Variants in ATP9B observed in about 807,000 individuals in gnomAD.
ATP9B encodes ATPase phospholipid transporting 9B, also known as probable phospholipid-transporting ATPase IIB.
Under a neutral mutation model 146.1 loss-of-function variants are expected in ATP9B, and 110 were observed. The ratio of observed to expected loss-of-function variants is 0.75; its 90% CI spans 0.65 to 0.88. ATP9B has a LOEUF of 0.88. ATP9B is among the 40% of genes least tolerant of loss of function. ATP9B has a pLI of 0.00. For missense variants in ATP9B, 1,499 were observed against 1,496.4 expected (o/e 1.00, Z -0.03); for synonymous variants, 604 against 569.7 (o/e 1.06, Z -0.86).
chr18:79,265,665 GT>G lies in ATP9B; in HGVS notation c.1269-11379del, dbSNP rs369028943. Among the ~76,000 whole-genome samples the G allele has an allele frequency of 9.2e-3, 1,370 of 149,206 alleles. 8 individuals are homozygous for G. The highest frequency in any genetic ancestry group is 0.023 in the African/African-American group (958 of 40,846). On this transcript the variant is annotated intron_variant, in intron 12 of 29. Transcript: ENST00000426216. ...GGTTGTCTGTTCACTCTGCTGTTAA[GT>G]TTTTTTTTTGATGTGCAGAGATTCT...
At chr18:79,253,617 A>G (rs1371356408) in intron 12 of ATP9B, 76 bp downstream of exon 12, 4 of 1,407,512 alleles carry the variant, frequency 2.8e-6, no homozygotes, top group Non-Finnish European at 3.8e-6. Context: ...CTTTCTCAGT[A>G]TGAAAGAAAT....
chr18:79,329,075 G>C (rs757784060), intron 15 of ATP9B, 66 bp from the exon 16 acceptor site: 1 of 1,419,680 alleles, frequency 7.0e-7, no homozygotes, highest in East Asian at 2.7e-5. Flanking sequence ...GCACTGCCGT[G>C]CTGGCTCGCC....
At chr18:79,261,045 C>G (rs111415278) in intron 12 of ATP9B, among the ~76,000 whole-genome samples, 2 of 152,270 alleles carry the variant, frequency 1.3e-5, no homozygotes, top group African/African-American at 4.8e-5. Context: ...TGGACCATGG[C>G]CAGTGTCTCA....
chr18:79,096,702 G>A (rs2074812239), intron 2 of ATP9B, 53 bp downstream of exon 2: 1 of 1,422,568 alleles, frequency 7.0e-7, no homozygotes, highest in African/African-American at 1.5e-5. Flanking sequence ...TACTTATAAG[G>A]TTAGCTTCTA....
chr18:79,097,116 C>T (rs1001080735), intron 2 of ATP9B, among the ~76,000 whole-genome samples: 1 of 150,948 alleles, frequency 6.6e-6, no homozygotes, highest in African/African-American at 2.4e-5. Context: ...CGAGATCGAG[C>T]CACTGCACTC....
At chr18:79,200,788 T>TGGAGGGG (rs1555749735) in intron 9 of ATP9B, among the ~76,000 whole-genome samples, 3 of 35,454 alleles carry the variant, frequency 8.5e-5, no homozygotes, top group South Asian at 7.5e-4. Context: ...GAAGTAGTGG[T>TGGAGGGG]GGAATTGTTT....
intron 7 of ATP9B, among the ~76,000 whole-genome samples, chr18:79,162,775 G>A (rs1386826398): frequency 3.3e-5 from 5 of 152,302 alleles, no homozygotes; most frequent in East Asian, 1.9e-4. Context: ...TTTGTTGGCC[G>A]TATACCCTAG....
At chr18:79,167,286 A>G (rs1481548188) in intron 7 of ATP9B, among the ~76,000 whole-genome samples, 1 of 152,182 alleles carries the variant, frequency 6.6e-6, no homozygotes. Context: ...AGAACAAGGT[A>G]TATGGACAAC....
At chr18:79,295,435 A>G (rs1299502158) in intron 13 of ATP9B, among the ~76,000 whole-genome samples, 1 of 152,198 alleles carries the variant, frequency 6.6e-6, no homozygotes, top group Non-Finnish European at 1.5e-5. Context: ...AATTTTTCTC[A>G]TTGCTTTTTG....
Position 79,342,263 on chromosome 18 carries a change from C to T in ATP9B, c.2284-5C>T, listed in dbSNP as rs763462112. On this transcript the variant is annotated splice_region_variant and splice_polypyrimidine_tract_variant and intron_variant, in intron 19 of 29. Coordinates refer to ENST00000426216, the MANE Select transcript of ATP9B (RefSeq NM_198531.5). ...TGAAATTCACCAGTTTAAATTGTTCCCTAGATATGGATGCTAACAGGCGAT... is the reference window on the plus strand; with the variant it reads ...TGAAATTCACCAGTTTAAATTGTTCTCTAGATATGGATGCTAACAGGCGAT... 21 of 1,606,960 alleles carry T rather than the reference C, an allele frequency of 1.3e-5. No homozygotes were observed. The highest frequency in any genetic ancestry group is 1.5e-5 in the Non-Finnish European group (18 of 1,174,186).
intron 12 of ATP9B, among the ~76,000 whole-genome samples, chr18:79,259,790 T>TCAGGATAA: frequency 6.6e-6 from 1 of 152,224 alleles, no homozygotes; most frequent in South Asian, 2.1e-4. Context: ...GGAAAACTTT[T>TCAGGATAA]AAGAGCTTTA....
intron 11 of ATP9B, among the ~76,000 whole-genome samples, chr18:79,225,568 C>A (rs1213077913): frequency 6.6e-6 from 1 of 152,196 alleles, no homozygotes; most frequent in Non-Finnish European, 1.5e-5. Flanking sequence ...CCACTGTCTT[C>A]AGCGTCTGAG....
At chr18:79,207,308 G>C (rs188823496) in intron 10 of ATP9B, among the ~76,000 whole-genome samples, 70 of 152,300 alleles carry the variant, frequency 4.6e-4, no homozygotes, top group South Asian at 2.1e-3. Context: ...TGACAAACTT[G>C]TCAGTGTTCC....
At position 79,096,590 on chromosome 18, in the gene ATP9B, G is replaced by A. The variant is rs1480515160; in HGVS notation, c.234G>A (p.Met78Ile). ...ACACCTTACCACGAGCCAGGATAAT[G>A]CAAAGGAAAAGAGGACTGGAGTGGT... is the stretch of plus-strand genomic sequence containing the variant. Reference protein sequence around the residue: ...DYHTLPRARIMQRKRGLEWFV... With the variant: ...DYHTLPRARIIQRKRGLEWFV... The change falls in exon 2 of 30, where the codon ATG becomes ATA. Residue 78 changes from methionine to isoleucine, a missense_variant. Coordinates refer to ENST00000426216, the MANE Select transcript of ATP9B (RefSeq NM_198531.5). 2 of 1,614,094 alleles carry A rather than the reference G, an allele frequency of 1.2e-6. No homozygotes were observed. The highest frequency in any genetic ancestry group is 1.1e-5 in the South Asian group (1 of 91,080).
intron 17 of ATP9B, 117 bp downstream of exon 17, chr18:79,330,221 G>A (rs2096782846): frequency 1.1e-6 from 1 of 936,896 alleles, no homozygotes; most frequent in Non-Finnish European, 1.7e-6. Flanking sequence ...GACAGGAAAA[G>A]GATATCCTTT....
At chr18:79,329,393 A>T in intron 16 of ATP9B, 91 bp downstream of exon 16, 3 of 1,361,148 alleles carry the variant, frequency 2.2e-6, no homozygotes, top group Non-Finnish European at 2.9e-6. Context: ...AAAGTTAAAC[A>T]TTTACTCAGG....
rs76796856 is a variant in ATP9B, at chr18:79,190,032, G to A, written c.874-3151G>A. On this transcript the variant is annotated intron_variant, in intron 8 of 29. Coordinates refer to ENST00000426216, the MANE Select transcript of ATP9B (RefSeq NM_198531.5). The stretch of plus-strand genomic sequence containing the variant: ...CCGCATTTCCAGCAGACCCTTGCAC[G>A]CACTCCCCGCAGCAGCAGCAGGAGG... Among the ~76,000 whole-genome samples, 12 of 152,222 alleles carry A rather than the reference G, an allele frequency of 7.9e-5. No individual in the cohort carries two copies. The East Asian group carries it at 1.9e-3, about 25-fold the overall frequency.
intron 11 of ATP9B, among the ~76,000 whole-genome samples, chr18:79,225,604 GGCGGCCAC>G (rs2095722056): frequency 5.9e-5 from 9 of 151,702 alleles, no homozygotes; most frequent in African/African-American, 2.2e-4. Context: ...GCAGTCGCAG[GGCGGCCAC>G]TGTCTTCAGC....
intron 1 of ATP9B, among the ~76,000 whole-genome samples, chr18:79,078,695 A>T (rs2072908148): frequency 6.8e-6 from 1 of 147,528 alleles, no homozygotes; most frequent in African/African-American, 2.5e-5. Flanking sequence ...AAGTTCTGGG[A>T]TACTTGTGCA....
Sources: allele counts gnomAD v4.1 joint callset (sites outside exome capture counted in the v4.1 genomes callset), GRCh38; gene constraint gnomAD v4.1.1; transcripts MANE v1.5; gene names NCBI Gene and HGNC (gene_info 2026-07-23, HGNC 2026-07-21).